Variants in TGM6 observed in about 807,000 individuals in gnomAD.
The protein encoded by TGM6 is transglutaminase 6, also known as protein-glutamine gamma-glutamyltransferase 6.
A neutral mutation model predicts 77.5 loss-of-function variants in TGM6; 74 were observed. The ratio of observed to expected loss-of-function variants is 0.96; its 90% CI spans 0.79 to 1.16. The LOEUF is 1.16. TGM6 is among the 50% of genes most tolerant of loss of function. The pLI is 0.00. For synonymous variants in TGM6, 383 were observed against 378.9 expected (o/e 1.01, Z -0.12); for missense variants, 968 against 940.2 (o/e 1.03, Z -0.39).
At chr20:2,391,938 C>A (rs554441759) in intron 1 of TGM6, among the ~76,000 whole-genome samples, 1 of 152,196 alleles carries the variant, frequency 6.6e-6, no homozygotes, top group Non-Finnish European at 1.5e-5. Flanking sequence ...CTCTGCCTAG[C>A]GCCATAGCTG....
At chr20:2,409,060 A>G (rs2084769146) in intron 9 of TGM6, among the ~76,000 whole-genome samples, 1 of 152,214 alleles carries the variant, frequency 6.6e-6, no homozygotes, top group African/African-American at 2.4e-5. Context: ...AGCATTATCC[A>G]GAATTGACCA....
chr20:2,386,474 T>A (rs1478926988), intron 1 of TGM6, among the ~76,000 whole-genome samples: 3 of 151,996 alleles, frequency 2.0e-5, no homozygotes, highest in Admixed American at 2.0e-4. Context: ...GTGTGTTCTA[T>A]GGGGTTAATG....
At position 2,412,827 on chromosome 20, in the gene TGM6, A is replaced by G. The variant is rs113967476; in HGVS notation, c.1337-4405A>G. Among the ~76,000 whole-genome samples the G allele has an allele frequency of 5.4e-4, 82 of 152,324 alleles. 1 individual carries two copies. Among genetic ancestry groups the G allele is most frequent in the African/African-American group, 1.8e-3 (74 of 41,582 alleles). ...TACTTAGGAATAAATTCAACAAAAG[A>G]AGAGCAAGACTTACATGCTAAAACT... On this transcript the variant is annotated intron_variant, in intron 9 of 12. Coordinates refer to ENST00000202625, the MANE Select transcript of TGM6 (RefSeq NM_198994.3).
rs774886352 is a variant in TGM6 at position 2,380,962 on chromosome 20, C to T, written c.-7C>T. On this transcript the variant is annotated 5_prime_UTR_variant, in exon 1 of 13. Coordinates refer to ENST00000202625, the MANE Select transcript of TGM6 (RefSeq NM_198994.3). ...TGGAGGAACAGAGGAGTCCAGCTGG[C>T]CTTCACATGGCAGGTAAGTGGGCAG... 6.2e-7 allele frequency: 1 copy of T among 1,607,912 alleles called. No individual in the cohort carries two copies.
chr20:2,426,168 G>T (rs141962503), intron 10 of TGM6, among the ~76,000 whole-genome samples: 501 of 152,076 alleles, frequency 3.3e-3, no homozygotes, highest in African/African-American at 0.011. Flanking sequence ...TTAGTTTTTT[G>T]ATTTCTTTCA....
At chr20:2,424,538 A>G (rs969773937) in intron 10 of TGM6, among the ~76,000 whole-genome samples, 4 of 152,224 alleles carry the variant, frequency 2.6e-5, no homozygotes, top group African/African-American at 9.6e-5. Context: ...CTTTGGCTTA[A>G]TGGAATGTTA....
At chr20:2,425,308 A>T (rs2084880329) in intron 10 of TGM6, among the ~76,000 whole-genome samples, 1 of 151,876 alleles carries the variant, frequency 6.6e-6, no homozygotes, top group South Asian at 2.1e-4. Context: ...TGATCACACC[A>T]CTGCACTTAC....
intron 4 of TGM6, among the ~76,000 whole-genome samples, chr20:2,397,172 A>G (rs1568657382): frequency 6.6e-6 from 1 of 152,242 alleles, no homozygotes; most frequent in Non-Finnish European, 1.5e-5. Context: ...CACTTCGGCC[A>G]TTGTGGAGGC....
At position 2,403,338 on chromosome 20, in the gene TGM6, G is replaced by A. The variant is rs2084724254; in HGVS notation, c.990-59G>A. 10 of 1,589,630 alleles carry A rather than the reference G, an allele frequency of 6.3e-6. No homozygotes were observed. In the South Asian group the frequency reaches 9.0e-5, roughly 14 times the overall value. On this transcript the variant is annotated intron_variant, in intron 7 of 12. Transcript: ENST00000202625. ...GAGCCCAGGGCCTGCCTCTCAGTAG[G>A]ATCTTCCCTTCCTATGCCCTCACTC...
intron 9 of TGM6, among the ~76,000 whole-genome samples, chr20:2,414,589 C>T (rs560679037): frequency 7.2e-5 from 11 of 152,212 alleles, no homozygotes; most frequent in African/African-American, 2.4e-4. Context: ...AAAACAAACA[C>T]CCACACAAAA....
At chr20:2,384,670 C>G (rs2084582230) in intron 1 of TGM6, among the ~76,000 whole-genome samples, 1 of 152,218 alleles carries the variant, frequency 6.6e-6, no homozygotes, top group South Asian at 2.1e-4. Flanking sequence ...GGGGCAAAGC[C>G]TGCATGTGAG....
rs146964822 is a variant in TGM6 at position 2,395,392 on chromosome 20, G to C, written c.380G>C (p.Arg127Pro). 39 of 1,614,120 alleles carry C rather than the reference G, an allele frequency of 2.4e-5. No homozygotes were observed. Among genetic ancestry groups the C allele is most frequent in the Non-Finnish European group, 3.3e-5 (39 of 1,180,056 alleles). ...RLSSHRKHSNRRLGEFVLLFN... is the reference protein window; with the variant it reads ...RLSSHRKHSNPRLGEFVLLFN... ...TCCTCTCACCGCAAACACAGCAACC[G>C]GAGGCTGGGCGAGTTTGTTCTCCTT... The change falls in exon 3 of 13, where the codon CGG becomes CCG. Residue 127 changes from arginine to proline, a missense_variant. Physicochemically the swap from Arg to Pro is moderately radical, Grantham distance 103. Transcript: ENST00000202625.
At chr20:2,409,276 T>C (rs1410201692) in intron 9 of TGM6, among the ~76,000 whole-genome samples, 3 of 152,166 alleles carry the variant, frequency 2.0e-5, no homozygotes, top group African/African-American at 7.2e-5. Flanking sequence ...GAAAATACTC[T>C]GCAGTGAAAG....
Position 2,380,906 on chromosome 20 carries a change from A to T in TGM6, c.-63A>T. The T allele has an allele frequency of 6.3e-7, 1 of 1,591,338 alleles. No individual in the cohort carries two copies. The highest frequency in any genetic ancestry group is 8.5e-7 in the Non-Finnish European group (1 of 1,170,634). On this transcript the variant is annotated 5_prime_UTR_variant, in exon 1 of 13. Transcript: ENST00000202625. ...GTCTGGCTGGCTGCTGTGACGCGCC[A>T]CACTGTCCTGACGGTGCACACACTG...
intron 3 of TGM6, 123 bp downstream of exon 3, chr20:2,395,559 A>C: frequency 6.4e-7 from 1 of 1,562,924 alleles, no homozygotes; most frequent in Non-Finnish European, 8.8e-7. Context: ...AGAGCTGGGC[A>C]AGAACTTAGC....
chr20:2,394,350 T>G (rs930348526), intron 1 of TGM6, 102 bp from the exon 2 acceptor site: 2 of 1,341,402 alleles, frequency 1.5e-6, no homozygotes, highest in Admixed American at 1.7e-5. Context: ...AAATAGCAGC[T>G]GGATGAACAA....
intron 10 of TGM6, among the ~76,000 whole-genome samples, chr20:2,429,876 CAGG>C (rs1239929887): frequency 6.6e-6 from 1 of 152,138 alleles, no homozygotes; most frequent in Admixed American, 6.5e-5. Flanking sequence ...GCCAGGACCA[CAGG>C]AGCTCAGAGA....
intron 9 of TGM6, among the ~76,000 whole-genome samples, chr20:2,409,189 T>C (rs1472701508): frequency 6.6e-6 from 1 of 152,194 alleles, no homozygotes; most frequent in Non-Finnish European, 1.5e-5. Context: ...ATTTGATACA[T>C]TTATAATATG....
At chr20:2,400,758 A>C (rs1189405805) in intron 7 of TGM6, among the ~76,000 whole-genome samples, 1 of 152,110 alleles carries the variant, frequency 6.6e-6, no homozygotes, top group African/African-American at 2.4e-5. Context: ...CTCCTTCTGC[A>C]CAGGTACCTC....
Sources: gnomAD v4.1 joint callset for allele counts (sites outside exome capture counted in the v4.1 genomes callset) on GRCh38, gnomAD v4.1.1 for gene constraint, MANE v1.5 for transcripts, NCBI Gene and HGNC (gene_info 2026-07-23, HGNC 2026-07-21) for gene names.